Variants in KLF8 observed in about 807,000 individuals in gnomAD.
KLF8 encodes the protein KLF transcription factor 8.
Under a neutral mutation model 18.2 loss-of-function variants are expected in KLF8, and 10 were observed. The observed-to-expected ratio is 0.55, with a 90% CI of 0.34 to 0.93. KLF8 has a LOEUF of 0.93. Among genes scored for constraint, KLF8 ranks in the 40% least tolerant of loss-of-function variants. The pLI, the probability that KLF8 is intolerant of heterozygous loss-of-function variation, is 0.02. For missense variants in KLF8, 264 were observed against 277.9 expected (o/e 0.95, Z 0.36); for synonymous variants, 109 against 97.3 (o/e 1.12, Z -0.71).
chrX:55,953,460 T>G, the KLF8 span, among the ~76,000 whole-genome samples: 1 of 110,629 alleles, frequency 9.0e-6, no homozygotes, highest in African/African-American at 3.3e-5. Context: ...GATTTTTTTT[T>G]TTTGCAGAAA....
At chrX:55,937,676 T>G in the KLF8 span, among the ~76,000 whole-genome samples, 2 of 111,681 alleles carry the variant, frequency 1.8e-5, no homozygotes, top group Non-Finnish European at 3.8e-5. Context: ...GAGAAATACC[T>G]AAAGGACCTG....
the KLF8 span, among the ~76,000 whole-genome samples, chrX:56,031,406 A>G: frequency 1.8e-5 from 2 of 112,307 alleles, no homozygotes; most frequent in Non-Finnish European, 3.8e-5. Flanking sequence ...TGGTCAGGCC[A>G]TGCTTCCACT....
At chrX:55,939,806 C>G in the KLF8 span, among the ~76,000 whole-genome samples, 7 of 111,988 alleles carry the variant, frequency 6.3e-5, no homozygotes, top group African/African-American at 2.3e-4. Context: ...GACACATACA[C>G]TCTCCCAAGA....
chrX:56,137,590 C>G, the KLF8 span, among the ~76,000 whole-genome samples: 6 of 79,256 alleles, frequency 7.6e-5, no homozygotes, highest in African/African-American at 3.2e-4. Flanking sequence ...GAACATCACA[C>G]TCTGAGGACT....
At chrX:56,172,255 C>T in the KLF8 span, among the ~76,000 whole-genome samples, 1 of 110,766 alleles carries the variant, frequency 9.0e-6, no homozygotes, top group Non-Finnish European at 1.9e-5. Flanking sequence ...TATCCCTCTC[C>T]TTTCCCACAC....
At chrX:56,025,001 A>C in the KLF8 span, among the ~76,000 whole-genome samples, 2 of 112,605 alleles carry the variant, frequency 1.8e-5, no homozygotes, top group African/African-American at 6.4e-5. Context: ...TGAGACTTTT[A>C]GAACCCAGAA....
chrX:56,194,072 C>T, the KLF8 span, among the ~76,000 whole-genome samples: 1 of 111,032 alleles, frequency 9.0e-6, no homozygotes, highest in Non-Finnish European at 1.9e-5. Context: ...TAAAATGTCT[C>T]CTCTAACTCG....
the KLF8 span, among the ~76,000 whole-genome samples, chrX:55,941,396 A>G: frequency 8.9e-6 from 1 of 112,162 alleles, no homozygotes; most frequent in Non-Finnish European, 1.9e-5. Context: ...CTTAAATGTT[A>G]GACCTAAAAC....
chrX:55,948,586 A>G, the KLF8 span, among the ~76,000 whole-genome samples: 10 of 112,099 alleles, frequency 8.9e-5, no homozygotes, highest in Non-Finnish European at 1.7e-4. Context: ...GTCACCATAG[A>G]TGATGCAGTC....
At chrX:56,135,852 G>C in the KLF8 span, among the ~76,000 whole-genome samples, 1 of 111,506 alleles carries the variant, frequency 9.0e-6, no homozygotes, top group East Asian at 2.8e-4. Context: ...AGAATCTCTT[G>C]GATACAGCAG....
At chrX:56,214,757 T>A in the KLF8 span, among the ~76,000 whole-genome samples, 3 of 112,443 alleles carry the variant, frequency 2.7e-5, no homozygotes, top group South Asian at 7.4e-4. Flanking sequence ...GTACTGCAAG[T>A]AGCCTCACTT....
the KLF8 span, among the ~76,000 whole-genome samples, chrX:55,948,972 T>C: frequency 2.7e-5 from 3 of 112,154 alleles, no homozygotes; most frequent in African/African-American, 9.7e-5. Flanking sequence ...AAATAGATCA[T>C]CAATGGAAAA....
chrX:56,051,533 A>T, the KLF8 span, among the ~76,000 whole-genome samples: 41 of 110,267 alleles, frequency 3.7e-4, no homozygotes, highest in African/African-American at 1.3e-3. Context: ...TATGAAGCTT[A>T]GTTTGGCTGG....
At chrX:55,938,531 C>T in the KLF8 span, among the ~76,000 whole-genome samples, 1 of 111,161 alleles carries the variant, frequency 9.0e-6, no homozygotes, top group Non-Finnish European at 1.9e-5. Context: ...ACAATATTAA[C>T]CTTAAATGTA....
intron 3 of KLF8, chrX:56,267,113 G>T: frequency 2.7e-6 from 2 of 753,120 alleles, no homozygotes; most frequent in Non-Finnish European, 3.1e-6. Context: ...GTTTGAAGGA[G>T]CTTTGAATAG....
intron 1 of KLF8, among the ~76,000 whole-genome samples, chrX:56,247,598 AT>A (rs1328387562): frequency 3.4e-4 from 36 of 107,422 alleles, no homozygotes; most frequent in South Asian, 2.7e-3. Flanking sequence ...ATTGTTAATT[AT>A]TTTTTTTTTG....
chrX:56,045,152 G>T, the KLF8 span, among the ~76,000 whole-genome samples: 1 of 111,499 alleles, frequency 9.0e-6, no homozygotes, highest in Non-Finnish European at 1.9e-5. Flanking sequence ...GTTGAATAGG[G>T]TGTCCTTTCT....
the KLF8 span, among the ~76,000 whole-genome samples, chrX:56,081,073 T>A: frequency 2.7e-5 from 3 of 111,340 alleles, no homozygotes; most frequent in Non-Finnish European, 5.7e-5. Flanking sequence ...AAAGTTTTCA[T>A]CTTCTTTGCC....
At chrX:56,032,267 C>T in the KLF8 span, among the ~76,000 whole-genome samples, 1 of 111,729 alleles carries the variant, frequency 9.0e-6, no homozygotes, top group Non-Finnish European at 1.9e-5. Flanking sequence ...GCCACCATTC[C>T]TGGCCCTTAA....
Sources: gnomAD v4.1 joint callset for allele counts (sites outside exome capture counted in the v4.1 genomes callset) on GRCh38, gnomAD v4.1.1 for gene constraint, MANE v1.5 for transcripts, NCBI Gene and HGNC (gene_info 2026-07-23, HGNC 2026-07-21) for gene names.